CD86: variants seen among roughly 807,000 people sequenced by gnomAD.
The protein encoded by CD86 is CD86 molecule.
CD86 carries 11 observed loss-of-function variants against 32.1 expected under a neutral mutation model. That is an observed-to-expected ratio of 0.34 (90% CI 0.22 to 0.57). The LOEUF is 0.57. Ranked by LOEUF, CD86 falls within the 20% of genes least tolerant of loss-of-function variation. The pLI, the probability that CD86 is intolerant of heterozygous loss-of-function variation, is 0.86. For missense variants in CD86, 359 were observed against 398.4 expected (o/e 0.90, Z 0.84); for synonymous variants, 137 against 135.3 (o/e 1.01, Z -0.09).
intron 2 of CD86, among the ~76,000 whole-genome samples, chr3:122,094,057 T>C (rs1269486410): frequency 2.6e-5 from 4 of 152,154 alleles, no homozygotes; most frequent in Admixed American, 2.0e-4. Context: ...CTCCTCCCCA[T>C]CACCTGCAGC....
intron 2 of CD86, among the ~76,000 whole-genome samples, chr3:122,093,687 C>G (rs1434210107): frequency 6.6e-6 from 1 of 152,168 alleles, no homozygotes; most frequent in African/African-American, 2.4e-5. Context: ...CAATACATGA[C>G]AGTATATGCA....
intron 2 of CD86, among the ~76,000 whole-genome samples, chr3:122,101,513 A>AAAAAAATAT (rs1202377219): frequency 5.8e-4 from 27 of 46,320 alleles, no homozygotes; most frequent in African/African-American, 2.0e-3. Flanking sequence ...AAAAAAAAAA[A>AAAAAAATAT]ATATATATAT....
rs185580095 is a variant in CD86, at chr3:122,099,161, G to A, written c.65-4351G>A. ...GGTTACCAAAATTAAAGAGTGATTT[G>A]AGAAAATTAACAAGGAAATCAGAGA... On this transcript the variant is annotated intron_variant, in intron 2 of 6. Coordinates refer to ENST00000330540, the MANE Select transcript of CD86 (RefSeq NM_175862.5). Among the ~76,000 whole-genome samples the A allele has an allele frequency of 1.1e-4, 17 of 152,310 alleles. No individual in the cohort carries two copies. In the East Asian group the frequency reaches 2.9e-3, roughly 26 times the overall value.
chr3:122,069,969 A>T (rs1016677293), intron 1 of CD86, among the ~76,000 whole-genome samples: 4 of 152,176 alleles, frequency 2.6e-5, no homozygotes, highest in African/African-American at 9.7e-5. Context: ...GTACAATGGT[A>T]CTTTTTCTAA....
At chr3:122,114,369 T>A (rs1158598276) in intron 5 of CD86, among the ~76,000 whole-genome samples, 1 of 152,154 alleles carries the variant, frequency 6.6e-6, no homozygotes, top group African/African-American at 2.4e-5. Flanking sequence ...CCTCTTTCCA[T>A]AAACAACTAG....
At chr3:122,095,557 T>C (rs1325897162) in intron 2 of CD86, among the ~76,000 whole-genome samples, 1 of 152,288 alleles carries the variant, frequency 6.6e-6, no homozygotes, top group East Asian at 1.9e-4. Context: ...CCTCCCAAGA[T>C]TTTTGCAGAT....
At chr3:122,108,885 T>C (rs1318624077) in intron 4 of CD86, among the ~76,000 whole-genome samples, 3 of 152,170 alleles carry the variant, frequency 2.0e-5, no homozygotes, top group South Asian at 2.1e-4. Context: ...GCCTGGGAAC[T>C]GACTGCAGAG....
intron 2 of CD86, 183 bp downstream of exon 2, chr3:122,091,833 T>C (rs528595931): frequency 2.2e-5 from 13 of 601,956 alleles, no homozygotes; most frequent in Non-Finnish European, 3.6e-5. Flanking sequence ...GAGCAGCTGA[T>C]GGCAGGCAGC....
chr3:122,058,874 A>G (rs11921048), intron 1 of CD86, among the ~76,000 whole-genome samples: 24,273 of 152,004 alleles, frequency 0.16, 2,552 homozygotes, highest in East Asian at 0.55. Context: ...CAGGGCAGTT[A>G]TGGTGGGATC....
rs1451632831 is a variant in CD86 at position 122,119,459 on chromosome 3, A to G, written c.915A>G (p.Glu305=). The part of the protein sequence containing the change: ...TKKREKIHIP[E]RSDEAQRVFK... ...CCAGAGAAAAAATCCATATACCTGA[A>G]AGATCTGATGAAGCCCAGCGTGTTT... Residue 305 remains glutamate (E), a synonymous_variant, in exon 7 of 7, where the codon GAA becomes GAG. Coordinates refer to ENST00000330540, the MANE Select transcript of CD86 (RefSeq NM_175862.5). 1 of 1,607,910 alleles carries G rather than the reference A, an allele frequency of 6.2e-7. No individual in the cohort carries two copies. Among genetic ancestry groups the G allele is most frequent in the South Asian group, 1.1e-5 (1 of 90,782 alleles).
intron 1 of CD86, among the ~76,000 whole-genome samples, chr3:122,089,092 T>A (rs1167553075): frequency 3.3e-5 from 5 of 152,190 alleles, no homozygotes; most frequent in African/African-American, 7.2e-5. Flanking sequence ...AGACAAATAC[T>A]GTATGAGTTT....
chr3:122,088,182 CTTTTTTTT>C (rs60476471), intron 1 of CD86, among the ~76,000 whole-genome samples: 1 of 113,358 alleles, frequency 8.8e-6, no homozygotes, highest in African/African-American at 3.3e-5. Context: ...AAAGGGCCCT[CTTTTTTTT>C]TTTTTTTTTT....
intron 5 of CD86, among the ~76,000 whole-genome samples, chr3:122,115,129 T>C (rs1202179307): frequency 6.6e-6 from 1 of 152,138 alleles, no homozygotes; most frequent in African/African-American, 2.4e-5. Flanking sequence ...GAGGAATCTA[T>C]CAAAAACCTA....
At chr3:122,064,440 A>G (rs186308875) in intron 1 of CD86, among the ~76,000 whole-genome samples, 33 of 152,312 alleles carry the variant, frequency 2.2e-4, no homozygotes, top group Middle Eastern at 6.8e-3. Flanking sequence ...TACAGCCCGT[A>G]TGCTGCAAAT....
In CD86 at chr3:122,119,500, C is replaced by T. The variant is rs2073309658; in HGVS notation, c.956C>T (p.Thr319Ile). 1.9e-6 allele frequency: 3 copies of T among 1,609,542 alleles called. No individual in the cohort carries two copies. In the African/African-American group the frequency reaches 4.0e-5, roughly 22 times the overall value. The change falls in exon 7 of 7, where the codon ACA becomes ATA. Residue 319 changes from threonine to isoleucine, a missense_variant. Transcript: ENST00000330540. ...CAGCGTGTTTTTAAAAGTTCGAAGA[C>T]ATCTTCATGCGACAAAAGTGATACA... ...EAQRVFKSSK[T>I]SSCDKSDTCF
At chr3:122,103,935 G>A (rs2073051276) in intron 3 of CD86, 88 bp downstream of exon 3, 1 of 1,083,774 alleles carries the variant, frequency 9.2e-7, no homozygotes, top group African/African-American at 1.6e-5. Context: ...GGGGACTTGA[G>A]GGGCCCAGGG....
At chr3:122,084,811 C>G (rs1300998735) in intron 1 of CD86, among the ~76,000 whole-genome samples, 16 of 152,176 alleles carry the variant, frequency 1.1e-4, no homozygotes. Context: ...GTCACTCAGG[C>G]TAGCCCAGAT....
At chr3:122,075,784 A>G (rs1395944352) in intron 1 of CD86, among the ~76,000 whole-genome samples, 2 of 152,180 alleles carry the variant, frequency 1.3e-5, no homozygotes. Context: ...ACGTTACAGC[A>G]TTGGAGGAGG....
chr3:122,061,262 C>G (rs1352659611), intron 1 of CD86, among the ~76,000 whole-genome samples: 1 of 151,942 alleles, frequency 6.6e-6, no homozygotes, highest in Admixed American at 6.6e-5. Flanking sequence ...ACCAACTAAA[C>G]AATAAATCTT....
Sources: allele counts gnomAD v4.1 joint callset (sites outside exome capture counted in the v4.1 genomes callset), GRCh38; gene constraint gnomAD v4.1.1; transcripts MANE v1.5; gene names NCBI Gene and HGNC (gene_info 2026-07-23, HGNC 2026-07-21).